R3HDM2: variants seen among roughly 807,000 people sequenced by gnomAD.
The protein encoded by R3HDM2 is R3H domain containing 2.
R3HDM2 carries 38 observed loss-of-function variants against 124.5 expected under a neutral mutation model. That is an observed-to-expected ratio of 0.31 (90% CI 0.24 to 0.40). R3HDM2 has a LOEUF of 0.40. Among genes scored for constraint, R3HDM2 ranks in the 10% least tolerant of loss-of-function variants. The probability of loss-of-function intolerance (pLI) is 1.00; values close to 1 mark genes in which losing one functional copy is unlikely to be tolerated. For missense variants in R3HDM2, 869 were observed against 1,236.9 expected (o/e 0.70, Z 4.46); for synonymous variants, 391 against 448.0 (o/e 0.87, Z 1.61).
chr12:57,360,038 T>C lies in R3HDM2; in HGVS notation c.-36+35711A>G, dbSNP rs11608622. Among the ~76,000 whole-genome samples, 151 of 88,086 alleles carry C rather than the reference T, an allele frequency of 1.7e-3. 3 individuals carry two copies. Among genetic ancestry groups the C allele is most frequent in the East Asian group, 8.4e-3 (28 of 3,332 alleles). 57.8% of individuals were successfully genotyped at this position (88,086 alleles called of 152,430 possible). ...ATATATATATACACACATATATATA[T>C]ATATATATATTTTTTTTTTTTTTTT... On this transcript the variant is annotated intron_variant, in intron 2 of 23. Coordinates refer to ENST00000402412, the MANE Select transcript of R3HDM2 (RefSeq NM_001394031.1).
intron 11 of R3HDM2, among the ~76,000 whole-genome samples, chr12:57,290,694 A>G (rs1305519488): frequency 1.3e-5 from 2 of 152,018 alleles, no homozygotes; most frequent in Non-Finnish European, 2.9e-5. Context: ...GCTCACCACA[A>G]CCTCTGCCTC....
At chr12:57,324,062 C>G (rs1410295360) in intron 2 of R3HDM2, among the ~76,000 whole-genome samples, 2 of 152,172 alleles carry the variant, frequency 1.3e-5, no homozygotes, top group Non-Finnish European at 2.9e-5. Flanking sequence ...CACAATTTAT[C>G]TACATTCATG....
At chr12:57,326,987 C>CA (rs57255275) in intron 2 of R3HDM2, among the ~76,000 whole-genome samples, 144,139 of 149,472 alleles carry the variant, frequency 0.96, 69,649 homozygotes, top group East Asian at 1. Context: ...ATATGTTGCT[C>CA]AAAAAAAAAA....
chr12:57,379,743 T>C (rs1400273648), intron 2 of R3HDM2, among the ~76,000 whole-genome samples: 1 of 152,148 alleles, frequency 6.6e-6, no homozygotes, highest in East Asian at 1.9e-4. Context: ...GAAGTGGTTA[T>C]CTAATATTCC....
intron 2 of R3HDM2, among the ~76,000 whole-genome samples, chr12:57,335,493 T>TTTTTTTTTTTC (rs1491094660): frequency 2.7e-3 from 70 of 26,404 alleles, no homozygotes; most frequent in Non-Finnish European, 4.7e-3. Context: ...CCCGGCCACC[T>TTTTTTTTTTTC]TTTTTTTTTT....
intron 2 of R3HDM2, among the ~76,000 whole-genome samples, chr12:57,391,108 A>G (rs2066618027): frequency 6.6e-6 from 1 of 152,176 alleles, no homozygotes; most frequent in Non-Finnish European, 1.5e-5. Flanking sequence ...ACAAATAAAA[A>G]CTAATAATTA....
chr12:57,272,429 A>C, intron 14 of R3HDM2: 1 of 1,528,280 alleles, frequency 6.5e-7, no homozygotes, highest in East Asian at 2.5e-5. Flanking sequence ...TGAACAAGAC[A>C]AAAAGGGGGA....
intron 2 of R3HDM2, among the ~76,000 whole-genome samples, chr12:57,359,305 C>G (rs1345359109): frequency 6.6e-6 from 1 of 152,152 alleles, no homozygotes; most frequent in Non-Finnish European, 1.5e-5. Flanking sequence ...AAGTGATCCA[C>G]CTGTCTTTTC....
chr12:57,287,014 C>G (rs909386828), intron 12 of R3HDM2, among the ~76,000 whole-genome samples: 1 of 152,166 alleles, frequency 6.6e-6, no homozygotes, highest in African/African-American at 2.4e-5. Flanking sequence ...ACCAGTGAAT[C>G]TGGATTAGGG....
chr12:57,337,699 T>C (rs1042187347), intron 2 of R3HDM2, among the ~76,000 whole-genome samples: 5 of 152,250 alleles, frequency 3.3e-5, no homozygotes, highest in African/African-American at 1.2e-4. Flanking sequence ...TTAGCAGATA[T>C]AGAAAGAGAG....
At chr12:57,326,160 T>C (rs1044694062) in intron 2 of R3HDM2, among the ~76,000 whole-genome samples, 2 of 152,186 alleles carry the variant, frequency 1.3e-5, no homozygotes, top group South Asian at 4.1e-4. Flanking sequence ...TCTCTCCCTC[T>C]CCTTGGTCTC....
chr12:57,258,278 C>G, intron 20 of R3HDM2, 141 bp from the exon 21 acceptor site: 1 of 521,504 alleles, frequency 1.9e-6, no homozygotes, highest in Non-Finnish European at 3.0e-6. Context: ...TTCCTTCAAA[C>G]TGCAACCTCA....
intron 2 of R3HDM2, among the ~76,000 whole-genome samples, chr12:57,387,383 A>G (rs2138563120): frequency 6.6e-6 from 1 of 152,258 alleles, no homozygotes; most frequent in Admixed American, 6.5e-5. Context: ...GAGCATCAGA[A>G]GGAACAAACT....
At chr12:57,255,223 C>T in intron 23 of R3HDM2, 110 bp from the exon 24 acceptor site, 2 of 899,888 alleles carry the variant, frequency 2.2e-6, no homozygotes, top group Non-Finnish European at 3.3e-6. Flanking sequence ...ACAATGTCTT[C>T]AAAAGCCTGG....
chr12:57,358,336 G>T (rs745486053), intron 2 of R3HDM2, among the ~76,000 whole-genome samples: 1 of 152,042 alleles, frequency 6.6e-6, no homozygotes, highest in Non-Finnish European at 1.5e-5. Context: ...AAGGGATTTA[G>T]TTAGAAATTA....
chr12:57,328,653 C>T (rs1161618738), intron 2 of R3HDM2, among the ~76,000 whole-genome samples: 2 of 152,168 alleles, frequency 1.3e-5, no homozygotes, highest in East Asian at 1.9e-4. Context: ...ATCCTCCCAT[C>T]TCAGCCTCCT....
Position 57,254,926 on chromosome 12 carries a change from G to A in R3HDM2, c.2820C>T (p.Leu940=), listed in dbSNP as rs149678283. 70 of 1,614,140 alleles carry A rather than the reference G, an allele frequency of 4.3e-5. No homozygotes were observed. Among genetic ancestry groups the A allele is most frequent in the East Asian group, 3.8e-4 (17 of 44,884 alleles). The change falls in exon 24 of 24, where the codon CTC becomes CTT. Residue 940 remains leucine, a synonymous_variant. Coordinates refer to ENST00000402412, the MANE Select transcript of R3HDM2 (RefSeq NM_001394031.1). ...CAGCCACAATGGTGTACAAGGCAGC[G>A]AGGTCCGAGTGGCGGCCATTCTCAG... The part of the protein sequence containing the change: ...GTAENGRHSD[L]AALYTIVAVF...
intron 2 of R3HDM2, among the ~76,000 whole-genome samples, chr12:57,318,447 G>A (rs11172161): frequency 0.37 from 55,769 of 151,564 alleles, 11,659 homozygotes; most frequent in Middle Eastern, 0.75. Flanking sequence ...TCAGGAGTTC[G>A]AGACCAGCCT....
intron 19 of R3HDM2, among the ~76,000 whole-genome samples, chr12:57,261,908 G>A (rs2040954966): frequency 6.6e-6 from 1 of 152,220 alleles, no homozygotes; most frequent in Non-Finnish European, 1.5e-5. Context: ...TGAAAGGAGA[G>A]GGGACGTGTG....
Sources: gnomAD v4.1 joint callset for allele counts (sites outside exome capture counted in the v4.1 genomes callset) on GRCh38, gnomAD v4.1.1 for gene constraint, MANE v1.5 for transcripts, NCBI Gene and HGNC (gene_info 2026-07-23, HGNC 2026-07-21) for gene names.